MDGA2: variants seen among roughly 807,000 people sequenced by gnomAD.
MDGA2 encodes MAM domain-containing glycosylphosphatidylinositol anchor protein 2.
Under a neutral mutation model 117.8 loss-of-function variants are expected in MDGA2, and 40 were observed. The ratio of observed to expected loss-of-function variants is 0.34; its 90% CI spans 0.26 to 0.44. The LOEUF is 0.44. MDGA2 is among the 20% of genes least tolerant of loss of function. The pLI is 1.00. For synonymous variants in MDGA2, 452 were observed against 439.0 expected (o/e 1.03, Z -0.37); for missense variants, 1,123 against 1,250.6 (o/e 0.90, Z 1.54).
chr14:47,668,908 G>A (rs1898025275), intron 1 of MDGA2, among the ~76,000 whole-genome samples: 1 of 152,156 alleles, frequency 6.6e-6, no homozygotes, highest in Non-Finnish European at 1.5e-5. Flanking sequence ...TGCCTTTATA[G>A]ATTACAAACC....
intron 10 of MDGA2, among the ~76,000 whole-genome samples, chr14:46,903,006 C>G (rs1305638365): frequency 4.6e-5 from 7 of 152,210 alleles, no homozygotes; most frequent in African/African-American, 1.7e-4. Context: ...TGGGTTGGAG[C>G]CACGGGAAGT....
At chr14:47,211,912 T>C (rs2139483716) in intron 3 of MDGA2, among the ~76,000 whole-genome samples, 1 of 152,324 alleles carries the variant, frequency 6.6e-6, no homozygotes, top group South Asian at 2.1e-4. Flanking sequence ...TTGTAAACCA[T>C]TTAAATGAAT....
chr14:47,002,809 T>C (rs1887579455), intron 8 of MDGA2, among the ~76,000 whole-genome samples: 1 of 152,168 alleles, frequency 6.6e-6, no homozygotes. Context: ...TATATGCATT[T>C]TGTGTAAGTC....
intron 8 of MDGA2, among the ~76,000 whole-genome samples, chr14:47,032,404 T>A (rs920381724): frequency 6.6e-6 from 1 of 151,660 alleles, no homozygotes; most frequent in Non-Finnish European, 1.5e-5. Context: ...CTGAGCAACA[T>A]AGCATGACCC....
In MDGA2 at chr14:47,164,483, CA is replaced by C. The variant is rs560807413; in HGVS notation, c.596-20210del. 2.8e-4 allele frequency among the ~76,000 whole-genome samples: 43 copies of C among 152,162 alleles called. No individual in the cohort carries two copies. The South Asian group carries it at 3.7e-3, about 13-fold the overall frequency. ...TCTCAAAAGAAGACATTTATGCAGCCAAAAAACACATGAAAAAATGCTCATC... is the reference window on the plus strand; with the variant it reads ...TCTCAAAAGAAGACATTTATGCAGCCAAAAACACATGAAAAAATGCTCATC... On this transcript the variant is annotated intron_variant, in intron 3 of 16. Transcript: ENST00000399232.
chr14:46,845,953 A>G, intron 15 of MDGA2, 82 bp from the exon 16 acceptor site: 1 of 1,010,108 alleles, frequency 9.9e-7, no homozygotes, highest in South Asian at 1.4e-5. Flanking sequence ...GGTGACAAAA[A>G]TAAACTTGTC....
intron 1 of MDGA2, among the ~76,000 whole-genome samples, chr14:47,374,923 T>A (rs1223704856): frequency 6.6e-6 from 1 of 152,024 alleles, no homozygotes; most frequent in Non-Finnish European, 1.5e-5. Context: ...CCTGACCTTA[T>A]CCCTACAACT....
At chr14:47,470,887 G>A (rs543726517) in intron 1 of MDGA2, among the ~76,000 whole-genome samples, 2 of 152,278 alleles carry the variant, frequency 1.3e-5, no homozygotes, top group South Asian at 4.1e-4. Context: ...TTAGTAATGA[G>A]ACTATTTTTC....
chr14:46,965,785 G>T (rs566080308), intron 8 of MDGA2, among the ~76,000 whole-genome samples: 2 of 152,056 alleles, frequency 1.3e-5, no homozygotes, highest in Admixed American at 1.3e-4. Flanking sequence ...AAAAAAGTTA[G>T]AGCTCACTAT....
intron 1 of MDGA2, among the ~76,000 whole-genome samples, chr14:47,412,988 C>T (rs957545219): frequency 6.6e-5 from 10 of 152,184 alleles, no homozygotes; most frequent in African/African-American, 2.4e-4. Context: ...ATCAAAATCT[C>T]ATCAAAATTT....
chr14:47,087,351 C>CA (rs1040758987), intron 6 of MDGA2, among the ~76,000 whole-genome samples: 36 of 140,204 alleles, frequency 2.6e-4, no homozygotes, highest in African/African-American at 5.4e-4. Context: ...CCCACCTCTA[C>CA]AAAAAAACAC....
intron 10 of MDGA2, among the ~76,000 whole-genome samples, chr14:46,911,602 T>C (rs1292757110): frequency 6.6e-6 from 1 of 152,182 alleles, no homozygotes; most frequent in Non-Finnish European, 1.5e-5. Context: ...ATTAAAATTA[T>C]AAGAAGCAAT....
chr14:47,440,798 G>A (rs528956477), intron 1 of MDGA2, among the ~76,000 whole-genome samples: 2 of 152,044 alleles, frequency 1.3e-5, no homozygotes, highest in East Asian at 3.9e-4. Context: ...CTTTCATGGG[G>A]GAAATATGTG....
intron 3 of MDGA2, among the ~76,000 whole-genome samples, chr14:47,174,959 A>C (rs1486854255): frequency 6.6e-6 from 1 of 152,188 alleles, no homozygotes; most frequent in Non-Finnish European, 1.5e-5. Flanking sequence ...AAAAATGATA[A>C]AGGGGATATC....
rs112007545 is a variant in MDGA2, at chr14:46,871,789, T to TG, written c.2752+1643dup. On this transcript the variant is annotated intron_variant, in intron 14 of 16. Coordinates refer to ENST00000399232, the MANE Select transcript of MDGA2 (RefSeq NM_001113498.3). ...TGATTTCTCTGAAGTATTACAGTGA[T>TG]GAAGTGCTACAGCCAAGTTCCTGCC... 6.1e-5 allele frequency: 13 copies of TG among 214,014 alleles called. 1 individual carries two copies. The highest frequency in any genetic ancestry group is 4.7e-4 in the Middle Eastern group (1 of 2,130). 13.3% of individuals were successfully genotyped at this position (214,014 alleles called of 1,614,324 possible). A position where few individuals can be genotyped will look rare whatever the true frequency, so the allele number is the denominator to read the frequency against.
At chr14:47,331,509 C>G (rs74206557) in intron 1 of MDGA2, among the ~76,000 whole-genome samples, 2,261 of 150,664 alleles carry the variant, frequency 0.015, 60 homozygotes, top group East Asian at 0.14. Flanking sequence ...AAGTTCCTTT[C>G]ACAATGCTTC....
At chr14:47,392,913 T>C (rs150305212) in intron 1 of MDGA2, among the ~76,000 whole-genome samples, 1 of 152,204 alleles carries the variant, frequency 6.6e-6, no homozygotes, top group East Asian at 1.9e-4. Context: ...AATTTGAGCA[T>C]CTCGTTACTT....
At chr14:47,582,300 T>C (rs929817732) in intron 1 of MDGA2, among the ~76,000 whole-genome samples, 2 of 151,958 alleles carry the variant, frequency 1.3e-5, no homozygotes, top group Admixed American at 1.3e-4. Flanking sequence ...TGGACCTCTA[T>C]ATTTCATTCA....
At chr14:47,529,671 T>C (rs1426067584) in intron 1 of MDGA2, among the ~76,000 whole-genome samples, 1 of 152,214 alleles carries the variant, frequency 6.6e-6, no homozygotes, top group African/African-American at 2.4e-5. Context: ...TTGACTTAAA[T>C]TGCTGAATTA....
Sources: allele counts gnomAD v4.1 joint callset (sites outside exome capture counted in the v4.1 genomes callset), GRCh38; gene constraint gnomAD v4.1.1; transcripts MANE v1.5; gene names NCBI Gene and HGNC (gene_info 2026-07-23, HGNC 2026-07-21).